CSMD1: variants seen among roughly 807,000 people sequenced by gnomAD.
CSMD1 encodes CUB and Sushi multiple domains 1.
In CSMD1, 213 loss-of-function variants were observed where a neutral mutation model predicts 417.5. The ratio of observed to expected loss-of-function variants is 0.51; its 90% confidence interval spans 0.46 to 0.57. The LOEUF (loss-of-function observed/expected upper bound fraction) is 0.57. Among genes scored for constraint, CSMD1 ranks in the 20% least tolerant of loss-of-function variants. The pLI is 0.00. For missense variants in CSMD1, 6,923 were observed against 4,529.7 expected (o/e 1.53, Z -15.17); for synonymous variants, 2,862 against 1,736.8 (o/e 1.65, Z -16.11).
At chr8:4,262,506 TGATTTTTAAG>T (rs1803959107) in intron 3 of CSMD1, among the ~76,000 whole-genome samples, 1 of 152,206 alleles carries the variant, frequency 6.6e-6, no homozygotes, top group Non-Finnish European at 1.5e-5. Flanking sequence ...GCTGGTGGGC[TGATTTTTAAG>T]TTTGAACTCA....
chr8:4,158,406 G>A (rs1413620209), intron 3 of CSMD1, among the ~76,000 whole-genome samples: 3 of 151,910 alleles, frequency 2.0e-5, no homozygotes, highest in Non-Finnish European at 4.4e-5. Context: ...CATCACTATT[G>A]CAAAAGGATA....
intron 12 of CSMD1, among the ~76,000 whole-genome samples, chr8:3,450,686 T>C (rs779670945): frequency 1.3e-5 from 2 of 152,124 alleles, no homozygotes; most frequent in African/African-American, 4.8e-5. Context: ...GGTGTATATG[T>C]GCCGCATTTT....
rs1488255676 is a variant in CSMD1, at chr8:3,349,894, TAATA to T, written c.3305-1737_3305-1734del. On this transcript the variant is annotated intron_variant, in intron 21 of 69. Transcript: ENST00000635120. ...ATATTTATATCTATATATATATTTA[TAATA>T]TATATTTATATATATTTATATATTA... Among the ~76,000 whole-genome samples the T allele has an allele frequency of 1.3e-3, 125 of 94,104 alleles. 1 individual carries two copies. Among genetic ancestry groups the T allele is most frequent in the Middle Eastern group, 0.022 (2 of 92 alleles). The allele number at this position is 94,104 out of a possible 152,430, so 61.7% of individuals were successfully genotyped here. A position where few individuals can be genotyped will look rare whatever the true frequency, so the allele number is the denominator to read the frequency against.
chr8:4,802,338 T>C (rs1798338864), intron 1 of CSMD1, among the ~76,000 whole-genome samples: 1 of 142,828 alleles, frequency 7.0e-6, no homozygotes, highest in African/African-American at 2.9e-5. Flanking sequence ...ACAAGCAAAA[T>C]GAGTGTGTGC....
intron 1 of CSMD1, among the ~76,000 whole-genome samples, chr8:4,778,204 G>T (rs1796968242): frequency 6.6e-6 from 1 of 152,036 alleles, no homozygotes; most frequent in Admixed American, 6.6e-5. Flanking sequence ...AATTACTTAT[G>T]AAAATATTCA....
At chr8:3,275,991 G>A (rs1259733486) in intron 26 of CSMD1, among the ~76,000 whole-genome samples, 2 of 152,194 alleles carry the variant, frequency 1.3e-5, no homozygotes, top group African/African-American at 4.8e-5. Context: ...TTCCTTTGGA[G>A]GAGGAGAGGC....
intron 3 of CSMD1, among the ~76,000 whole-genome samples, chr8:4,055,312 C>T (rs941335615): frequency 6.6e-6 from 1 of 152,028 alleles, no homozygotes; most frequent in Non-Finnish European, 1.5e-5. Context: ...TCCAATGTCT[C>T]CTTCTCTAAT....
intron 4 of CSMD1, among the ~76,000 whole-genome samples, chr8:3,998,499 G>A (rs2059581): frequency 0.5 from 76,614 of 151,874 alleles, 19,627 homozygotes; most frequent in Middle Eastern, 0.56. Flanking sequence ...GTTTATTCAT[G>A]GATACCTGGC....
At chr8:3,773,906 G>C (rs540520267) in intron 5 of CSMD1, among the ~76,000 whole-genome samples, 41 of 152,076 alleles carry the variant, frequency 2.7e-4, no homozygotes, top group Non-Finnish European at 5.3e-4. Flanking sequence ...AAACAAACTG[G>C]GGACCTGTGA....
intron 5 of CSMD1, among the ~76,000 whole-genome samples, chr8:3,926,108 C>CACACACACACACACACACACACCAT (rs1809697221): frequency 1.3e-5 from 1 of 79,180 alleles, no homozygotes; most frequent in East Asian, 2.9e-4. Flanking sequence ...CACACACACA[C>CACACACACACACACACACACACCAT]ACACACACAC....
chr8:4,149,436 T>C (rs1407654972), intron 3 of CSMD1, among the ~76,000 whole-genome samples: 3 of 152,204 alleles, frequency 2.0e-5, no homozygotes. Flanking sequence ...ACGGTATTTC[T>C]ACATAAGGGC....
chr8:2,956,491 T>A (rs571381611), intron 63 of CSMD1, among the ~76,000 whole-genome samples: 1 of 152,124 alleles, frequency 6.6e-6, no homozygotes, highest in Admixed American at 6.6e-5. Context: ...TCTCGCTGTG[T>A]TGCCCAGGCT....
chr8:4,618,877 G>A (rs138224912), intron 2 of CSMD1, among the ~76,000 whole-genome samples: 147 of 152,206 alleles, frequency 9.7e-4, no homozygotes, highest in African/African-American at 2.8e-3. Flanking sequence ...AAGAGTACAC[G>A]TAATAGAATA....
intron 2 of CSMD1, among the ~76,000 whole-genome samples, chr8:4,444,959 C>A (rs547517390): frequency 6.6e-6 from 1 of 152,274 alleles, no homozygotes; most frequent in African/African-American, 2.4e-5. Flanking sequence ...GGGAAATCTC[C>A]ACTGTGTTAA....
chr8:4,157,764 C>G (rs1466840638), intron 3 of CSMD1, among the ~76,000 whole-genome samples: 2 of 152,194 alleles, frequency 1.3e-5, no homozygotes, highest in Admixed American at 6.5e-5. Context: ...GCTGACCTGC[C>G]TGGTCCAGCG....
At chr8:4,757,852 G>C (rs1045608931) in intron 1 of CSMD1, among the ~76,000 whole-genome samples, 5 of 151,552 alleles carry the variant, frequency 3.3e-5, no homozygotes, top group Admixed American at 1.3e-4. Flanking sequence ...CCAGCTACTG[G>C]GGAAGCTGAG....
chr8:3,260,632 G>T (rs958434286), intron 26 of CSMD1, among the ~76,000 whole-genome samples: 1 of 151,030 alleles, frequency 6.6e-6, no homozygotes, highest in African/African-American at 2.4e-5. Flanking sequence ...CTTAGGGAGA[G>T]AAACATTTTT....
intron 3 of CSMD1, among the ~76,000 whole-genome samples, chr8:4,055,699 T>G (rs1275758498): frequency 6.6e-6 from 1 of 152,046 alleles, no homozygotes; most frequent in African/African-American, 2.4e-5. Context: ...CTTTGAAAAA[T>G]CACCATGTAT....
intron 41 of CSMD1, among the ~76,000 whole-genome samples, chr8:3,125,296 A>G (rs1279422512): frequency 6.6e-6 from 1 of 152,190 alleles, no homozygotes; most frequent in Non-Finnish European, 1.5e-5. Flanking sequence ...AGGACTTGCA[A>G]TGCATCACAG....
Sources: allele counts gnomAD v4.1 joint callset (sites outside exome capture counted in the v4.1 genomes callset), GRCh38; gene constraint gnomAD v4.1.1; transcripts MANE v1.5; gene names NCBI Gene and HGNC (gene_info 2026-07-23, HGNC 2026-07-21).